RPN2: variants seen among roughly 807,000 people sequenced by gnomAD.
The protein encoded by RPN2 is dolichyl-diphosphooligosaccharide--protein glycosyltransferase subunit 2.
A neutral mutation model predicts 71.4 loss-of-function variants in RPN2; 29 were observed. That is an observed-to-expected ratio of 0.41 (90% CI 0.30 to 0.55). The LOEUF (loss-of-function observed/expected upper bound fraction) is 0.55, where lower values mean the gene tolerates loss of function less well. Among genes scored for constraint, RPN2 ranks in the 20% least tolerant of loss-of-function variants. The pLI is 0.35. For synonymous variants in RPN2, 308 were observed against 305.0 expected, an observed-to-expected ratio of 1.01 and a Z score of -0.10; for missense variants, 726 against 774.1, an observed-to-expected ratio of 0.94 and a Z score of 0.74.
chr20:37,184,214 C>G lies in RPN2; in HGVS notation c.48C>G (p.Ile16Met). 6.2e-7 allele frequency: 1 copy of G among 1,614,216 alleles called. No homozygotes were observed. The highest frequency in any genetic ancestry group is 8.5e-7 in the Non-Finnish European group (1 of 1,180,030). ...SSTVFLLALT[I>M]IASTWALTPT... ...CTGTCTTCCTGTTGGCCCTGACAAT[C>G]ATAGCCAGCACCTGGGCTCTGACGC... Residue 16 changes from isoleucine (I) to methionine (M), a missense_variant, in exon 2 of 17, where the codon ATC (isoleucine) becomes ATG (methionine). Physicochemically the swap from Ile to Met is conservative, Grantham distance 10 (BLOSUM62 1). Transcript: ENST00000237530.
chr20:37,179,659 T>G, intron 1 of RPN2: 3 of 487,034 alleles, frequency 6.2e-6, no homozygotes, highest in Non-Finnish European at 9.6e-6. Context: ...AGGTCTGGCC[T>G]CATTCATTTC....
intron 13 of RPN2, among the ~76,000 whole-genome samples, chr20:37,231,736 G>A (rs1011134668): frequency 1.4e-5 from 2 of 145,034 alleles, no homozygotes; most frequent in African/African-American, 5.2e-5. Context: ...AAAGAAATGA[G>A]AGCGGGAAGT....
At position 37,213,821 on chromosome 20, in the gene RPN2, G is replaced by A. The variant is rs751517080; in HGVS notation, c.1048G>A (p.Val350Ile). 2 of 1,614,092 alleles carry A rather than the reference G, an allele frequency of 1.2e-6. No homozygotes were observed. The highest frequency in any genetic ancestry group is 2.2e-5 in the South Asian group (2 of 91,080). ...TTCCAGTGGTTATTATGACTTCCTT[G>A]TCGAAGTTGAAGGTGACAACCGGTA... is the stretch of plus-strand genomic sequence containing the variant. ...KFSSGYYDFL[V>I]EVEGDNRYIA... is the part of the protein sequence containing the mutation. The change falls in exon 9 of 17, where the codon GTC becomes ATC. Residue 350 changes from valine to isoleucine, a missense_variant. Coordinates refer to ENST00000237530, the MANE Select transcript of RPN2 (RefSeq NM_002951.5).
chr20:37,181,005 C>T (rs7264978), intron 1 of RPN2, among the ~76,000 whole-genome samples: 57,612 of 151,778 alleles, frequency 0.38, 12,002 homozygotes, highest in African/African-American at 0.54. Flanking sequence ...CTGAGGCGGG[C>T]GGATCACGAG....
intron 9 of RPN2, among the ~76,000 whole-genome samples, chr20:37,223,285 A>G (rs2068003310): frequency 6.6e-6 from 1 of 152,358 alleles, no homozygotes; most frequent in Admixed American, 6.5e-5. Context: ...GATAACTACC[A>G]TGACTGTCTA....
chr20:37,241,245 A>G (rs1244269646), intron 16 of RPN2, 58 bp from the exon 17 acceptor site: 2 of 1,601,192 alleles, frequency 1.2e-6, no homozygotes, highest in Non-Finnish European at 1.7e-6. Context: ...CCAGTTAGGA[A>G]CTGTAACTGT....
At chr20:37,188,412 C>A (rs1429977395) in intron 2 of RPN2, among the ~76,000 whole-genome samples, 1 of 152,180 alleles carries the variant, frequency 6.6e-6, no homozygotes, top group East Asian at 1.9e-4. Context: ...CTTGGCCTCC[C>A]AAAGTGCTGG....
intron 6 of RPN2, among the ~76,000 whole-genome samples, chr20:37,205,618 C>G (rs1312533838): frequency 6.6e-6 from 1 of 152,036 alleles, no homozygotes; most frequent in Non-Finnish European, 1.5e-5. Flanking sequence ...AGTTTTGTGC[C>G]AAGTTTCTTT....
chr20:37,196,800 C>T (rs192012121), intron 2 of RPN2, among the ~76,000 whole-genome samples: 21 of 152,298 alleles, frequency 1.4e-4, no homozygotes, highest in African/African-American at 4.6e-4. Context: ...CGAGGAGAGT[C>T]GTAGTAGCGG....
intron 11 of RPN2, among the ~76,000 whole-genome samples, chr20:37,226,086 C>G (rs1490715434): frequency 1.3e-5 from 2 of 152,096 alleles, no homozygotes; most frequent in Non-Finnish European, 2.9e-5. Flanking sequence ...TCCTCCCTCC[C>G]TCCCTCAGAT....
chr20:37,214,878 C>T (rs2067768736), intron 9 of RPN2, among the ~76,000 whole-genome samples: 1 of 152,056 alleles, frequency 6.6e-6, no homozygotes, highest in Non-Finnish European at 1.5e-5. Context: ...TACTTTGAGA[C>T]TCTGTAAGTA....
intron 2 of RPN2, among the ~76,000 whole-genome samples, chr20:37,194,667 G>A (rs915049195): frequency 6.6e-6 from 1 of 152,196 alleles, no homozygotes; most frequent in Non-Finnish European, 1.5e-5. Context: ...GGTGTACAAA[G>A]CCTGGAGGCT....
intron 16 of RPN2, 38 bp from the exon 17 acceptor site, chr20:37,241,265 C>A (rs1269484261): frequency 1.2e-6 from 2 of 1,610,766 alleles, no homozygotes; most frequent in African/African-American, 2.7e-5. Context: ...TGAACTGAAA[C>A]CTTCAGTAAT....
chr20:37,205,395 CT>C (rs746944225), intron 6 of RPN2, among the ~76,000 whole-genome samples: 1 of 152,184 alleles, frequency 6.6e-6, no homozygotes, highest in Non-Finnish European at 1.5e-5. Flanking sequence ...AGAGTTCATT[CT>C]TTTTCTCAAG....
In RPN2 at chr20:37,213,794, T is replaced by A; in HGVS notation, c.1021T>A (p.Phe341Ile). The part of the protein sequence containing the change: ...VFELNFMNVK[F>I]SSGYYDFLVE... The stretch of plus-strand genomic sequence containing the variant: ...TGAACTAAATTTCATGAACGTCAAA[T>A]TTTCCAGTGGTTATTATGACTTCCT... Residue 341 changes from phenylalanine to isoleucine, a missense_variant, in exon 9 of 17, where the codon TTT (phenylalanine) becomes ATT (isoleucine). Physicochemically the swap from Phe to Ile is conservative, Grantham distance 21. Coordinates refer to ENST00000237530, the MANE Select transcript of RPN2 (RefSeq NM_002951.5). The A allele has an allele frequency of 6.2e-7, 1 of 1,614,128 alleles. No individual in the cohort carries two copies. Among genetic ancestry groups the A allele is most frequent in the East Asian group, 2.2e-5 (1 of 44,888 alleles).
chr20:37,194,001 C>G (rs1014168694), intron 2 of RPN2, among the ~76,000 whole-genome samples: 1 of 152,068 alleles, frequency 6.6e-6, no homozygotes, highest in Admixed American at 6.6e-5. Flanking sequence ...AGTAGGAGAC[C>G]CAGCAGGGTG....
intron 1 of RPN2, among the ~76,000 whole-genome samples, chr20:37,183,219 A>ATT (rs11480191): frequency 4.5e-4 from 67 of 148,182 alleles, no homozygotes; most frequent in Admixed American, 7.4e-4. Context: ...TTATTCTAAG[A>ATT]TTTTTTTTTT....
intron 4 of RPN2, 138 bp downstream of exon 4, chr20:37,199,363 G>C (rs992258545): frequency 2.4e-5 from 26 of 1,084,090 alleles, no homozygotes; most frequent in Non-Finnish European, 3.1e-5. Context: ...TGCTCTGCAA[G>C]GCACCGCAGA....
At position 37,225,742 on chromosome 20, in the gene RPN2, C is replaced by T. The variant is rs370320588; in HGVS notation, c.1239C>T (p.Asn413=). Residue 413 remains asparagine, a synonymous_variant, in exon 11 of 17, where the codon AAC becomes AAT. Transcript: ENST00000237530. ...KGTFIADSHQ[N]FALFFQLVDV... is the part of the protein sequence containing the mutation. ...CATTCATCGCAGACAGCCACCAGAA[C>T]TTCGCCTTGTTCTTCCAGCTGGTAG... 1.4e-5 allele frequency: 23 copies of T among 1,614,062 alleles called. No individual in the cohort carries two copies. Among genetic ancestry groups the T allele is most frequent in the Non-Finnish European group, 1.9e-5 (22 of 1,180,028 alleles).
Sources: gnomAD v4.1 joint callset for allele counts (sites outside exome capture counted in the v4.1 genomes callset) on GRCh38, gnomAD v4.1.1 for gene constraint, MANE v1.5 for transcripts, NCBI Gene and HGNC (gene_info 2026-07-23, HGNC 2026-07-21) for gene names.